Variants in PROKR2 observed in about 807,000 individuals in gnomAD.
PROKR2 encodes prokineticin receptor 2, also known as G protein-coupled receptor 73-like 1.
Under a neutral mutation model 23.4 loss-of-function variants are expected in PROKR2, and 26 were observed. The ratio of observed to expected loss-of-function variants is 1.11; its 90% CI spans 0.81 to 1.54. The LOEUF (loss-of-function observed/expected upper bound fraction) is 1.54. Ranked by LOEUF, PROKR2 falls within the 40% of genes most tolerant of loss-of-function variation. The pLI, the probability that PROKR2 is intolerant of heterozygous loss-of-function variation, is 0.00. For synonymous variants in PROKR2, 212 were observed against 201.2 expected (o/e 1.05, Z -0.45); for missense variants, 453 against 511.5 (o/e 0.89, Z 1.10).
chr20:5,302,818 A>G, intron 2 of PROKR2, 82 bp from the exon 3 acceptor site: 1 of 1,019,534 alleles, frequency 9.8e-7, no homozygotes, highest in Non-Finnish European at 1.5e-6. Context: ...CATACACTAA[A>G]GCAGTGGCAC....
chr20:5,303,687 A>T (rs1207069783), intron 2 of PROKR2, among the ~76,000 whole-genome samples: 1 of 151,940 alleles, frequency 6.6e-6, no homozygotes, highest in Non-Finnish European at 1.5e-5. Flanking sequence ...TATGCATCTT[A>T]TGGTTGGGGT....
intron 2 of PROKR2, among the ~76,000 whole-genome samples, chr20:5,310,152 A>G (rs912567373): frequency 6.6e-6 from 1 of 152,220 alleles, no homozygotes; most frequent in Non-Finnish European, 1.5e-5. Flanking sequence ...GTTGAAAGCT[A>G]TTGCACATTG....
intron 2 of PROKR2, among the ~76,000 whole-genome samples, chr20:5,313,711 G>A (rs998527474): frequency 6.6e-6 from 1 of 152,250 alleles, no homozygotes; most frequent in African/African-American, 2.4e-5. Flanking sequence ...CTGGGGGCAT[G>A]GCCCAGAGAT....
intron 2 of PROKR2, among the ~76,000 whole-genome samples, chr20:5,312,220 C>T (rs1345262183): frequency 6.6e-6 from 1 of 152,172 alleles, no homozygotes; most frequent in African/African-American, 2.4e-5. Context: ...GATTCTCCTG[C>T]CTCAGCCTCC....
chr20:5,303,857 C>T (rs1317462979), intron 2 of PROKR2, among the ~76,000 whole-genome samples: 1 of 152,046 alleles, frequency 6.6e-6, no homozygotes, highest in Non-Finnish European at 1.5e-5. Flanking sequence ...GGTAAACAGG[C>T]CCCCCAAAAC....
At position 5,314,314 on chromosome 20, in the gene PROKR2, T is replaced by C. The variant is rs1979573059; in HGVS notation, c.56A>G (p.Asp19Gly). 6 of 1,614,010 alleles carry C rather than the reference T, an allele frequency of 3.7e-6. No homozygotes were observed. Among genetic ancestry groups the C allele is most frequent in the Non-Finnish European group, 5.1e-6 (6 of 1,180,000 alleles). The change falls in exon 2 of 3, where the codon GAC becomes GGC. Residue 19 changes from aspartate to glycine, a missense_variant. Asp to Gly is a moderately conservative substitution (Grantham distance 94). Coordinates refer to ENST00000678254, the MANE Select transcript of PROKR2 (RefSeq NM_144773.4). ...SFTPNFNPPQDHASSLSFNFS... is the reference protein window; with the variant it reads ...SFTPNFNPPQGHASSLSFNFS... The stretch of plus-strand genomic sequence containing the variant: ...GTTAAAGGAGAGGGAGGAGGCATGG[T>C]CTTGGGGTGGATTAAAGTTGGGTGT...
At chr20:5,314,404 T>G in intron 1 of PROKR2, 27 bp from the exon 2 acceptor site, 3 of 1,544,002 alleles carry the variant, frequency 1.9e-6, no homozygotes, top group Non-Finnish European at 2.7e-6. Context: ...GTGAGGGAGG[T>G]GCGAGGGGTG....
intron 1 of PROKR2, among the ~76,000 whole-genome samples, chr20:5,314,762 C>T (rs1196125856): frequency 1.3e-5 from 2 of 152,214 alleles, no homozygotes; most frequent in African/African-American, 4.8e-5. Context: ...GGGGCCAGGG[C>T]CTCTTTGTCT....
chr20:5,313,936 G>T lies in PROKR2; in HGVS notation c.434C>A (p.Ala145Asp). The change falls in exon 2 of 3, where the codon GCC (alanine) becomes GAC (aspartate). Residue 145 changes from alanine to aspartate, a missense_variant. Transcript: ENST00000678254. ...RTVSLYVSTN[A>D]LLAIAIDRYL... ...CCTGTCAATGGCAATGGCCAGCAAG[G>T]CATTGGTGGAGACGTAGAGGGAGAC... 6.2e-7 allele frequency: 1 copy of T among 1,614,226 alleles called. No homozygotes were observed. The highest frequency in any genetic ancestry group is 8.5e-7 in the Non-Finnish European group (1 of 1,180,032).
intron 2 of PROKR2, among the ~76,000 whole-genome samples, chr20:5,307,785 C>G (rs1198910307): frequency 4.6e-5 from 7 of 152,154 alleles, no homozygotes; most frequent in Non-Finnish European, 1.0e-4. Context: ...ATATGGCCTG[C>G]TGTAGAAGCT....
chr20:5,305,429 G>A (rs535683083), intron 2 of PROKR2, among the ~76,000 whole-genome samples: 206 of 152,330 alleles, frequency 1.4e-3, no homozygotes, highest in African/African-American at 4.8e-3. Context: ...AAATTTAAAA[G>A]GGGTACAAAT....
chr20:5,313,772 A>G (rs972170594), intron 2 of PROKR2, 140 bp downstream of exon 2: 2 of 764,922 alleles, frequency 2.6e-6, no homozygotes, highest in East Asian at 2.7e-5. Context: ...ACAGAACTCA[A>G]CTGGAGAAAC....
chr20:5,302,468 A>G lies in PROKR2; in HGVS notation c.727T>C (p.Tyr243His). ...CAGAGCTCCCGGGAGATCCTGGCAT[A>G]GCACAGGGTCATGGTGACCACAGGG... ...VGPVVTMTLC[Y>H]ARISRELWFK... Residue 243 changes from tyrosine to histidine, a missense_variant, in exon 3 of 3, where the codon TAT becomes CAT. Physicochemically the swap from Tyr to His is moderately conservative, Grantham distance 83 (BLOSUM62 2). Coordinates refer to ENST00000678254, the MANE Select transcript of PROKR2 (RefSeq NM_144773.4). The G allele has an allele frequency of 6.2e-7, 1 of 1,614,248 alleles. No homozygotes were observed. The highest frequency in any genetic ancestry group is 8.5e-7 in the Non-Finnish European group (1 of 1,180,046).
rs1365761790 is a variant in PROKR2 at position 5,299,470 on chromosome 20, A to T, written c.*2570T>A. Among the ~76,000 whole-genome samples the T allele has an allele frequency of 6.6e-6, 1 of 151,642 alleles. No individual in the cohort carries two copies. Among genetic ancestry groups the T allele is most frequent in the Non-Finnish European group, 1.5e-5 (1 of 67,940 alleles). ...TAGAATAATAAATAAAAATACAATTATTATATTTATAGAAATGTACATAAC... is the reference window on the plus strand; with the variant it reads ...TAGAATAATAAATAAAAATACAATTTTTATATTTATAGAAATGTACATAAC... On this transcript the variant is annotated 3_prime_UTR_variant, in exon 3 of 3. Transcript: ENST00000678254.
intron 1 of PROKR2, among the ~76,000 whole-genome samples, chr20:5,315,170 AGGT>A (rs1162545607): frequency 2.0e-5 from 2 of 100,492 alleles, no homozygotes; most frequent in Non-Finnish European, 3.9e-5. Flanking sequence ...TAGGTGGAGG[AGGT>A]GGTGGTGGGG....
At position 5,299,726 on chromosome 20, in the gene PROKR2, G is replaced by A. The variant is rs1028315826; in HGVS notation, c.*2314C>T. Among the ~76,000 whole-genome samples, 1 of 152,196 alleles carries A rather than the reference G, an allele frequency of 6.6e-6. No homozygotes were observed. Among genetic ancestry groups the A allele is most frequent in the African/African-American group, 2.4e-5 (1 of 41,456 alleles). ...TGCAACCTCTGCCTCTGGGGTTCAA[G>A]CAATTCTCATGCCTCAGCCTCCTGA... is the stretch of plus-strand genomic sequence containing the variant. On this transcript the variant is annotated 3_prime_UTR_variant, in exon 3 of 3. Coordinates refer to ENST00000678254, the MANE Select transcript of PROKR2 (RefSeq NM_144773.4).
In PROKR2 at chr20:5,300,667, T is replaced by C. The variant is rs551369877; in HGVS notation, c.*1373A>G. Among the ~76,000 whole-genome samples, 18 of 152,288 alleles carry C rather than the reference T, an allele frequency of 1.2e-4. No individual in the cohort carries two copies. Among genetic ancestry groups the C allele is most frequent in the Admixed American group, 9.2e-4 (14 of 15,300 alleles). The stretch of plus-strand genomic sequence containing the variant: ...ACTGAGACACAGAGAGAAAACATCA[T>C]GAATTTAGGACTTGAGTCTTAGAGT... On this transcript the variant is annotated 3_prime_UTR_variant, in exon 3 of 3. Transcript: ENST00000678254.
At chr20:5,312,719 C>T (rs555175648) in intron 2 of PROKR2, among the ~76,000 whole-genome samples, 2 of 152,240 alleles carry the variant, frequency 1.3e-5, no homozygotes, top group African/African-American at 4.8e-5. Flanking sequence ...GATGACTAAG[C>T]AGATCATCCT....
rs1476479515 is a variant in PROKR2 at position 5,302,441 on chromosome 20, A to T, written c.754T>A (p.Phe252Ile). The stretch of plus-strand genomic sequence containing the variant: ...GTCTGGAACCCAGGGACTGCCTTGA[A>T]CCAGAGCTCCCGGGAGATCCTGGCA... ...CYARISRELW[F>I]KAVPGFQTEQ... is the part of the protein sequence containing the mutation. The change falls in exon 3 of 3, where the codon TTC becomes ATC. Residue 252 changes from phenylalanine to isoleucine, a missense_variant. Phe to Ile is a conservative substitution (Grantham distance 21). Transcript: ENST00000678254. 2 of 1,614,062 alleles carry T rather than the reference A, an allele frequency of 1.2e-6. No homozygotes were observed. Among genetic ancestry groups the T allele is most frequent in the Non-Finnish European group, 1.7e-6 (2 of 1,180,044 alleles).
Sources: allele counts gnomAD v4.1 joint callset (sites outside exome capture counted in the v4.1 genomes callset), GRCh38; gene constraint gnomAD v4.1.1; transcripts MANE v1.5; gene names NCBI Gene and HGNC (gene_info 2026-07-23, HGNC 2026-07-21).